The following ZC3H13 variants were observed in gnomAD, a reference collection of about 807,000 sequenced individuals.
ZC3H13 encodes the protein zinc finger CCCH-type containing 13.
A neutral mutation model predicts 204.1 loss-of-function variants in ZC3H13; 64 were observed. That is an observed-to-expected ratio of 0.31 (90% confidence interval 0.26 to 0.39). The LOEUF (loss-of-function observed/expected upper bound fraction) is 0.39. Ranked by LOEUF, ZC3H13 falls within the 10% of genes least tolerant of loss-of-function variation. The pLI is 1.00. For missense variants in ZC3H13, 1,833 were observed against 2,082.7 expected (o/e 0.88, Z 2.33); for synonymous variants, 667 against 693.7 (o/e 0.96, Z 0.60).
chr13:46,014,270 A>C (rs1762543022), intron 5 of ZC3H13, among the ~76,000 whole-genome samples: 1 of 152,144 alleles, frequency 6.6e-6, no homozygotes, highest in African/African-American at 2.4e-5. Flanking sequence ...CTATAGGTAC[A>C]GGTTGATGTA....
chr13:46,052,305 T>C (rs539563560), intron 1 of ZC3H13, 99 bp downstream of exon 1: 1 of 378,584 alleles, frequency 2.6e-6, no homozygotes, highest in Non-Finnish European at 4.6e-6. Flanking sequence ...AAAATCCCAG[T>C]GACTCAAGCA....
intron 7 of ZC3H13, among the ~76,000 whole-genome samples, chr13:46,005,691 G>A (rs1324790561): frequency 1.3e-5 from 2 of 152,046 alleles, no homozygotes; most frequent in East Asian, 3.9e-4. Flanking sequence ...GTTTTATCAC[G>A]TTATCCAGGC....
Position 46,045,076 on chromosome 13 carries a change from A to G in ZC3H13, c.118-12T>C. Reference sequence around the variant, plus strand: ...TTACGGCACTGTGTCTAAGAGACAGATATTACTATGTAAATTTCATATTTA... The same window carrying G: ...TTACGGCACTGTGTCTAAGAGACAGGTATTACTATGTAAATTTCATATTTA... On this transcript the variant is annotated splice_polypyrimidine_tract_variant and intron_variant, in intron 2 of 18. Coordinates refer to ENST00000679008, the MANE Select transcript of ZC3H13 (RefSeq NM_001330564.2). 1 of 1,574,456 alleles carries G rather than the reference A, an allele frequency of 6.4e-7. No individual in the cohort carries two copies. The highest frequency in any genetic ancestry group is 8.6e-7 in the Non-Finnish European group (1 of 1,160,050).
At chr13:46,039,599 A>G (rs2043435585) in intron 4 of ZC3H13, among the ~76,000 whole-genome samples, 1 of 152,212 alleles carries the variant, frequency 6.6e-6, no homozygotes, top group Non-Finnish European at 1.5e-5. Flanking sequence ...TTCATCTAGT[A>G]GTATGCTAGA....
chr13:46,003,227 C>G lies in ZC3H13; in HGVS notation c.856G>C (p.Val286Leu). 6.2e-7 allele frequency: 1 copy of G among 1,612,952 alleles called. No individual in the cohort carries two copies. Among genetic ancestry groups the G allele is most frequent in the Non-Finnish European group, 8.5e-7 (1 of 1,179,652 alleles). Residue 286 changes from valine to leucine, a missense_variant, in exon 8 of 19, where the codon GTA (valine) becomes CTA (leucine). Physicochemically the swap from Val to Leu is conservative, Grantham distance 32. Around this residue, in one of 5 missense-constraint regions of ZC3H13, gnomAD observed 1,574 missense variants for 1,757.2 expected, o/e 0.90. Coordinates refer to ENST00000679008, the MANE Select transcript of ZC3H13 (RefSeq NM_001330564.2). ...LGKKYKEKYK[V>L]KDRIEEKTRD... ...GTTTTTTCTTCTATCCTGTCTTTTA[C>G]TTTATATTTTTCTTTGTATTTTTTC... is the stretch of plus-strand genomic sequence containing the variant.
intron 10 of ZC3H13, 82 bp downstream of exon 10, chr13:45,985,215 T>A: frequency 7.6e-7 from 1 of 1,319,724 alleles, no homozygotes; most frequent in Non-Finnish European, 1.0e-6. Flanking sequence ...ATAACAAATG[T>A]AAGAAACAAC....
chr13:45,993,933 A>G (rs775194458), intron 8 of ZC3H13, among the ~76,000 whole-genome samples: 106 of 152,328 alleles, frequency 7.0e-4, no homozygotes, highest in South Asian at 2.7e-3. Context: ...AATATTCACT[A>G]AGGTACTAAT....
intron 2 of ZC3H13, 63 bp from the exon 3 acceptor site, chr13:46,045,127 G>A: frequency 1.4e-6 from 2 of 1,417,324 alleles, no homozygotes; most frequent in Non-Finnish European, 9.7e-7. Context: ...AATGCTAGCG[G>A]GACAAAATTA....
chr13:45,974,588 C>T (rs1254532772), intron 12 of ZC3H13, among the ~76,000 whole-genome samples: 1 of 152,170 alleles, frequency 6.6e-6, no homozygotes, highest in Non-Finnish European at 1.5e-5. Context: ...AAGAACTACT[C>T]CACAGCACAA....
chr13:46,005,531 C>T (rs956552183), intron 7 of ZC3H13, among the ~76,000 whole-genome samples: 1 of 151,956 alleles, frequency 6.6e-6, no homozygotes, highest in African/African-American at 2.4e-5. Flanking sequence ...GCTCTGTTGC[C>T]CAGGCTGGAG....
At chr13:46,040,949 T>C (rs182410161) in intron 4 of ZC3H13, among the ~76,000 whole-genome samples, 1 of 152,304 alleles carries the variant, frequency 6.6e-6, no homozygotes, top group Admixed American at 6.5e-5. Flanking sequence ...TTGGTGATGA[T>C]GTGCAGAAAC....
intron 7 of ZC3H13, among the ~76,000 whole-genome samples, chr13:46,003,865 TA>T (rs1218602417): frequency 6.6e-6 from 1 of 151,926 alleles, no homozygotes; most frequent in East Asian, 1.9e-4. Flanking sequence ...GACCTAAACA[TA>T]AAAGCAAAAA....
At chr13:45,996,690 T>C in intron 8 of ZC3H13, among the ~76,000 whole-genome samples, 1 of 151,806 alleles carries the variant, frequency 6.6e-6, no homozygotes, top group East Asian at 1.9e-4. Flanking sequence ...TAACCCTTAT[T>C]TTACTTAATA....
intron 8 of ZC3H13, among the ~76,000 whole-genome samples, chr13:45,997,975 C>T (rs2138419425): frequency 6.6e-6 from 1 of 152,262 alleles, no homozygotes; most frequent in East Asian, 1.9e-4. Flanking sequence ...GCTGCAATAC[C>T]AGCTTTAGAA....
chr13:45,978,827 C>A (rs987452774), intron 11 of ZC3H13, among the ~76,000 whole-genome samples: 7 of 151,986 alleles, frequency 4.6e-5, no homozygotes, highest in Admixed American at 3.9e-4. Context: ...ATAGAAACTC[C>A]AGCCCTATCT....
chr13:45,996,401 T>C (rs918947949), intron 8 of ZC3H13, among the ~76,000 whole-genome samples: 4 of 152,124 alleles, frequency 2.6e-5, no homozygotes, highest in African/African-American at 9.7e-5. Context: ...GGAAAAAAAA[T>C]TAGTTTGTTG....
intron 12 of ZC3H13, among the ~76,000 whole-genome samples, chr13:45,974,046 G>T (rs971413615): frequency 6.6e-6 from 1 of 152,162 alleles, no homozygotes; most frequent in African/African-American, 2.4e-5. Context: ...CCCTGTATTC[G>T]CCCTGTGGCA....
At chr13:45,994,862 C>A (rs1190157123) in intron 8 of ZC3H13, among the ~76,000 whole-genome samples, 1 of 152,044 alleles carries the variant, frequency 6.6e-6, no homozygotes, top group African/African-American at 2.4e-5. Flanking sequence ...GTGCAGAAGT[C>A]CCCAATCTGC....
intron 5 of ZC3H13, 83 bp from the exon 6 acceptor site, chr13:46,011,637 C>T: frequency 8.9e-7 from 1 of 1,120,108 alleles, no homozygotes; most frequent in South Asian, 1.8e-5. Context: ...CAACTAATTT[C>T]TTACACAAAT....
Sources: gnomAD v4.1 joint callset for allele counts (sites outside exome capture counted in the v4.1 genomes callset) on GRCh38, gnomAD v4.1.1 for gene constraint, gnomAD v4.1.1 regional missense constraint, MANE v1.5 for transcripts, NCBI Gene and HGNC (gene_info 2026-07-23, HGNC 2026-07-21) for gene names.